AFG2A: variants seen among roughly 807,000 people sequenced by gnomAD.
The protein encoded by AFG2A is AAA ATPase AFG2A, also known as ATPase family gene 2 protein homolog A.
At chr4:123,096,554 C>T in the AFG2A span, among the ~76,000 whole-genome samples, 5 of 151,826 alleles carry the variant, frequency 3.3e-5, no homozygotes, top group Non-Finnish European at 7.4e-5. Flanking sequence ...GATAAGCATG[C>T]CTCAAAATAG....
the AFG2A span, among the ~76,000 whole-genome samples, chr4:122,927,172 G>A: frequency 8.5e-5 from 13 of 152,086 alleles, no homozygotes; most frequent in Non-Finnish European, 1.8e-4. Flanking sequence ...CTCTCTTTAC[G>A]TATTCTTGGT....
the AFG2A span, among the ~76,000 whole-genome samples, chr4:123,040,358 G>T: frequency 4.9e-4 from 74 of 152,258 alleles, no homozygotes; most frequent in Middle Eastern, 3.4e-3. Flanking sequence ...ATCTACATCA[G>T]AGGTCATAGT....
At chr4:123,005,694 C>T in the AFG2A span, among the ~76,000 whole-genome samples, 2 of 152,164 alleles carry the variant, frequency 1.3e-5, no homozygotes, top group Admixed American at 6.5e-5. Context: ...ATTTTCATTT[C>T]CATTTAGTTC....
the AFG2A span, among the ~76,000 whole-genome samples, chr4:123,182,927 C>T: frequency 1.3e-3 from 194 of 152,260 alleles, no homozygotes; most frequent in African/African-American, 4.4e-3. Flanking sequence ...TTTGGTTTTG[C>T]GTTATACACA....
the AFG2A span, among the ~76,000 whole-genome samples, chr4:123,119,504 T>G: frequency 6.6e-6 from 1 of 152,168 alleles, no homozygotes; most frequent in Admixed American, 6.5e-5. Context: ...TTTCTCTTCT[T>G]AGACATACAA....
chr4:123,179,517 T>G, the AFG2A span, among the ~76,000 whole-genome samples: 2 of 152,254 alleles, frequency 1.3e-5, no homozygotes, highest in South Asian at 4.2e-4. Context: ...CTGGCTAATT[T>G]ATTTCATTTT....
chr4:123,144,592 A>C, the AFG2A span, among the ~76,000 whole-genome samples: 12 of 152,118 alleles, frequency 7.9e-5, no homozygotes, highest in Admixed American at 1.3e-4. Flanking sequence ...ACAGTAATTA[A>C]AAAGCTCCAT....
At chr4:123,062,614 T>C in the AFG2A span, among the ~76,000 whole-genome samples, 1 of 152,190 alleles carries the variant, frequency 6.6e-6, no homozygotes, top group Admixed American at 6.5e-5. Context: ...CAATAGGCTA[T>C]ATTACCTATA....
the AFG2A span, among the ~76,000 whole-genome samples, chr4:122,947,073 C>T: frequency 6.6e-6 from 1 of 151,574 alleles, no homozygotes; most frequent in Non-Finnish European, 1.5e-5. Context: ...AAATGTATTA[C>T]TAATAAAAGT....
chr4:123,087,228 T>A, the AFG2A span, among the ~76,000 whole-genome samples: 1 of 152,278 alleles, frequency 6.6e-6, no homozygotes, highest in South Asian at 2.1e-4. Context: ...GAAGGAGTGT[T>A]CCATGGTCCT....
chr4:123,207,707 A>G, the AFG2A span, among the ~76,000 whole-genome samples: 3 of 152,238 alleles, frequency 2.0e-5, no homozygotes, highest in Non-Finnish European at 4.4e-5. Context: ...AGAATAGAAT[A>G]CATAGCAGTA....
At chr4:123,084,738 C>T in the AFG2A span, among the ~76,000 whole-genome samples, 1 of 151,902 alleles carries the variant, frequency 6.6e-6, no homozygotes, top group Non-Finnish European at 1.5e-5. Flanking sequence ...GAGTGATCCT[C>T]CTGTCTCAGC....
At chr4:123,072,218 G>A in the AFG2A span, among the ~76,000 whole-genome samples, 1 of 152,028 alleles carries the variant, frequency 6.6e-6, no homozygotes, top group African/African-American at 2.4e-5. Context: ...CTATTATTGG[G>A]ATTACTTAAC....
the AFG2A span, among the ~76,000 whole-genome samples, chr4:123,133,876 A>G: frequency 5.9e-5 from 9 of 152,098 alleles, no homozygotes; most frequent in Non-Finnish European, 1.2e-4. Flanking sequence ...TGCATTTCTC[A>G]TTATTAGAGA....
chr4:123,107,497 G>A, the AFG2A span, among the ~76,000 whole-genome samples: 1 of 152,184 alleles, frequency 6.6e-6, no homozygotes, highest in East Asian at 1.9e-4. Flanking sequence ...TCCATGGGTG[G>A]CCATGGGCAG....
the AFG2A span, among the ~76,000 whole-genome samples, chr4:123,215,339 C>A: frequency 6.6e-6 from 1 of 151,862 alleles, no homozygotes; most frequent in South Asian, 2.1e-4. Context: ...TAATATGGAT[C>A]AATTATTGTA....
the AFG2A span, among the ~76,000 whole-genome samples, chr4:123,125,160 C>G: frequency 1.3e-5 from 2 of 152,094 alleles, no homozygotes; most frequent in African/African-American, 4.8e-5. Flanking sequence ...TAGACACGTA[C>G]AGAAAAATGA....
the AFG2A span, among the ~76,000 whole-genome samples, chr4:123,122,918 C>A: frequency 6.6e-6 from 1 of 151,796 alleles, no homozygotes; most frequent in Admixed American, 6.6e-5. Flanking sequence ...TTGTGTTTTC[C>A]ATTATTTTAT....
the AFG2A span, among the ~76,000 whole-genome samples, chr4:123,007,542 GTGTATGTATGTGTGTGTGTGTGTATA>G: frequency 8.1e-3 from 893 of 109,620 alleles, 21 homozygotes; most frequent in East Asian, 0.055. Flanking sequence ...ATATATATAT[GTGTATGTATGTGTGTGTGTGTGTATA>G]TGTGTGTGTG....
Sources: gnomAD v4.1 joint callset for allele counts (sites outside exome capture counted in the v4.1 genomes callset) on GRCh38, gnomAD v4.1.1 for gene constraint, MANE v1.5 for transcripts, NCBI Gene and HGNC (gene_info 2026-07-23, HGNC 2026-07-21) for gene names.